CTBP2: variants seen among roughly 807,000 people sequenced by gnomAD.
CTBP2 encodes C-terminal-binding protein 2.
A neutral mutation model predicts 80.3 loss-of-function variants in CTBP2; 30 were observed. That is an observed-to-expected ratio of 0.37 (90% confidence interval 0.28 to 0.51). The LOEUF (loss-of-function observed/expected upper bound fraction) is 0.51, where lower values mean the gene tolerates loss of function less well. Among genes scored for constraint, CTBP2 ranks in the 20% least tolerant of loss-of-function variants. The pLI is 0.93. For synonymous variants in CTBP2, 594 were observed against 587.4 expected, an observed-to-expected ratio of 1.01 and a Z score of -0.16; for missense variants, 1,212 against 1,375.3, an observed-to-expected ratio of 0.88 and a Z score of 1.88.
intron 8 of CTBP2, among the ~76,000 whole-genome samples, chr10:124,992,396 G>A (rs1306823949): frequency 6.6e-6 from 1 of 151,918 alleles, no homozygotes; most frequent in African/African-American, 2.4e-5. Context: ...CACCACACGT[G>A]ACTGGGAAGC....
intron 2 of CTBP2, among the ~76,000 whole-genome samples, chr10:125,057,184 C>T (rs561766620): frequency 6.0e-4 from 92 of 152,306 alleles, no homozygotes; most frequent in Non-Finnish European, 1.0e-3. Flanking sequence ...CCGATGAAAA[C>T]GACTTCAACA....
At chr10:125,146,109 A>T (rs1858725067) in intron 1 of CTBP2, among the ~76,000 whole-genome samples, 1 of 151,996 alleles carries the variant, frequency 6.6e-6, no homozygotes, top group South Asian at 2.1e-4. Flanking sequence ...TTTCTAGAAG[A>T]GACTAAAATA....
At chr10:125,072,778 A>G (rs535726127) in intron 2 of CTBP2, among the ~76,000 whole-genome samples, 1 of 152,304 alleles carries the variant, frequency 6.6e-6, no homozygotes, top group East Asian at 1.9e-4. Context: ...AACTGCCTGC[A>G]GGTCCCTGGA....
At chr10:125,142,457 T>C (rs902951003) in intron 1 of CTBP2, among the ~76,000 whole-genome samples, 2 of 152,126 alleles carry the variant, frequency 1.3e-5, no homozygotes, top group Non-Finnish European at 2.9e-5. Flanking sequence ...ATTTCCTTAG[T>C]GGTGGCTGGA....
At chr10:125,003,182 C>T (rs1352105185) in intron 2 of CTBP2, 78 bp from the exon 5 acceptor site, 10 of 1,598,624 alleles carry the variant, frequency 6.3e-6, no homozygotes, top group Non-Finnish European at 7.7e-6. Flanking sequence ...CCCCCTGGCC[C>T]TATCACCCTT....
intron 1 of CTBP2, among the ~76,000 whole-genome samples, chr10:125,128,203 A>G (rs2136103163): frequency 6.6e-6 from 1 of 152,316 alleles, no homozygotes; most frequent in East Asian, 1.9e-4. Flanking sequence ...AAACTAGGAC[A>G]GCATGTGCTA....
intron 2 of CTBP2, among the ~76,000 whole-genome samples, chr10:125,103,802 A>G (rs1851019966): frequency 6.6e-6 from 1 of 152,122 alleles, no homozygotes; most frequent in Non-Finnish European, 1.5e-5. Context: ...TGTCCGGGAA[A>G]GAGGCGAGCT....
In CTBP2 at chr10:125,026,481, C is replaced by T. The variant is rs1220937197; in HGVS notation, c.1279G>A (p.Gly427Ser). The change falls in exon 1 of 9, where the codon GGC becomes AGC. Residue 427 changes from glycine to serine, a missense_variant. Transcript: ENST00000309035. ...GAGGGGAAGTGTGGGGCATGGGTGC[C>T]CACGCCAGGGGCAGAATAGGTGGCT... The T allele has an allele frequency of 3.1e-6, 5 of 1,600,410 alleles. No homozygotes were observed. The highest frequency in any genetic ancestry group is 1.1e-5 in the South Asian group (1 of 90,324).
chr10:125,120,229 G>A (rs1277568117), intron 1 of CTBP2, among the ~76,000 whole-genome samples: 1 of 152,194 alleles, frequency 6.6e-6, no homozygotes, highest in Non-Finnish European at 1.5e-5. Context: ...GTGGGCTCCA[G>A]CCAAGTCCTT....
At chr10:125,154,265 C>G (rs986997401) in intron 1 of CTBP2, among the ~76,000 whole-genome samples, 1 of 152,222 alleles carries the variant, frequency 6.6e-6, no homozygotes, top group Non-Finnish European at 1.5e-5. Flanking sequence ...CCCCTCACCC[C>G]TGCCTCCAGG....
chr10:125,155,409 T>A (rs1320704856), intron 1 of CTBP2, among the ~76,000 whole-genome samples: 1 of 152,176 alleles, frequency 6.6e-6, no homozygotes, highest in South Asian at 2.1e-4. Flanking sequence ...CCCCCTTTTT[T>A]TTTTTACACA....
chr10:125,124,687 T>C (rs1285424918), intron 1 of CTBP2, among the ~76,000 whole-genome samples: 1 of 152,228 alleles, frequency 6.6e-6, no homozygotes, highest in Non-Finnish European at 1.5e-5. Flanking sequence ...ATATTCTACA[T>C]ACATTAAATA....
At chr10:125,138,114 C>T (rs1164203192) in intron 1 of CTBP2, 1 of 152,244 alleles carries the variant, frequency 6.6e-6, no homozygotes, top group Non-Finnish European at 1.5e-5. Context: ...CCTAGACACA[C>T]ACATGAGGAA....
At chr10:125,031,804 G>A (rs1332616542), upstream of CTBP2, among the ~76,000 whole-genome samples, 3 of 152,208 alleles carry the variant, frequency 2.0e-5, no homozygotes, top group African/African-American at 4.8e-5. Flanking sequence ...CCTGGAGCGC[G>A]GAGGCTTGGG....
intron 1 of CTBP2, among the ~76,000 whole-genome samples, chr10:125,140,294 T>C (rs1306797482): frequency 6.6e-6 from 1 of 151,546 alleles, no homozygotes; most frequent in Non-Finnish European, 1.5e-5. Context: ...ATACTGCAAA[T>C]GCACGCATAC....
chr10:125,056,309 G>A (rs1329531363), intron 2 of CTBP2, among the ~76,000 whole-genome samples: 2 of 152,224 alleles, frequency 1.3e-5, no homozygotes, highest in Admixed American at 6.5e-5. Context: ...CAATGCATAA[G>A]CAGCCAGCAA....
intron 1 of CTBP2, among the ~76,000 whole-genome samples, chr10:125,008,641 T>C (rs7077275): frequency 0.3 from 46,040 of 152,248 alleles, 7,743 homozygotes; most frequent in Middle Eastern, 0.45. Context: ...CGACAGAAGG[T>C]GTCAGAGTGC....
At chr10:125,030,512 T>C (rs920032577), upstream of CTBP2, among the ~76,000 whole-genome samples, 8 of 152,314 alleles carry the variant, frequency 5.3e-5, no homozygotes, top group African/African-American at 1.4e-4. Flanking sequence ...GATCAGTGGG[T>C]ACCCTCCGAC....
At chr10:125,143,586 T>C (rs1436606938) in intron 1 of CTBP2, among the ~76,000 whole-genome samples, 1 of 152,240 alleles carries the variant, frequency 6.6e-6, no homozygotes. Context: ...TTTACTAAAT[T>C]CTAAAGCTTT....
Sources: gnomAD v4.1 joint callset for allele counts (sites outside exome capture counted in the v4.1 genomes callset) on GRCh38, gnomAD v4.1.1 for gene constraint, MANE v1.5 for transcripts, NCBI Gene and HGNC (gene_info 2026-07-23, HGNC 2026-07-21) for gene names.